The following DLGAP2 variants were observed in gnomAD, a reference collection of about 807,000 sequenced individuals.
DLGAP2 encodes DLG associated protein 2, also known as disks large-associated protein 2.
Under a neutral mutation model 100.3 loss-of-function variants are expected in DLGAP2, and 26 were observed. That is an observed-to-expected ratio of 0.26 (90% CI 0.19 to 0.36). The LOEUF (loss-of-function observed/expected upper bound fraction) is 0.36, where lower values mean the gene tolerates loss of function less well. Among genes scored for constraint, DLGAP2 ranks in the 10% least tolerant of loss-of-function variants. The probability of loss-of-function intolerance (pLI) is 1.00; values close to 1 mark genes in which losing one functional copy is unlikely to be tolerated. For missense variants in DLGAP2, 1,858 were observed against 1,453.2 expected, an observed-to-expected ratio of 1.28 and a Z score of -4.53; for synonymous variants, 886 against 630.1, an observed-to-expected ratio of 1.41 and a Z score of -6.08.
chr8:1,194,185 C>G (rs1344276603), intron 2 of DLGAP2, among the ~76,000 whole-genome samples: 1 of 152,106 alleles, frequency 6.6e-6, no homozygotes, highest in Admixed American at 6.5e-5. Context: ...GAAGAAACTG[C>G]CGCCTGTGGG....
chr8:1,282,613 A>T (rs1479909156), intron 3 of DLGAP2, among the ~76,000 whole-genome samples: 1 of 120,702 alleles, frequency 8.3e-6, no homozygotes, highest in Non-Finnish European at 1.7e-5. Flanking sequence ...CCAGCACGTG[A>T]ACCATCCAGA....
chr8:1,073,923 A>G (rs1585035240), intron 2 of DLGAP2, among the ~76,000 whole-genome samples: 1 of 152,330 alleles, frequency 6.6e-6, no homozygotes, highest in East Asian at 1.9e-4. Flanking sequence ...TTCAGGATTC[A>G]CTGTAACAGA....
intron 1 of DLGAP2, among the ~76,000 whole-genome samples, chr8:831,372 C>A (rs11994697): frequency 0.018 from 2,665 of 151,104 alleles, 75 homozygotes; most frequent in African/African-American, 0.061. Context: ...CCCAGCCCCC[C>A]ATCCCGCAAC....
chr8:1,494,417 C>T (rs779784025), intron 3 of DLGAP2, among the ~76,000 whole-genome samples: 2 of 152,182 alleles, frequency 1.3e-5, no homozygotes, highest in South Asian at 2.1e-4. Flanking sequence ...TTGGCATTCA[C>T]GGGGCAGGTC....
At position 935,581 on chromosome 8, in the gene DLGAP2, T is replaced by C. The variant is rs974028959; in HGVS notation, c.73+27615T>C. ...CACATGTGCTCACACTGTATTTCTC[T>C]TGGACGGTGTGGCTCTGTCGCATTT... On this transcript the variant is annotated intron_variant, in intron 2 of 14. Coordinates refer to ENST00000637795, the MANE Select transcript of DLGAP2 (RefSeq NM_001346810.2). Among the ~76,000 whole-genome samples the C allele has an allele frequency of 4.6e-5, 7 of 152,322 alleles. 1 individual carries two copies. In the East Asian group the frequency reaches 1.4e-3, roughly 29 times the overall value.
At chr8:888,459 C>G (rs1797965263) in intron 1 of DLGAP2, among the ~76,000 whole-genome samples, 1 of 152,144 alleles carries the variant, frequency 6.6e-6, no homozygotes, top group East Asian at 1.9e-4. Flanking sequence ...ACCCTCTGGC[C>G]TTTTGGGTTT....
intron 1 of DLGAP2, among the ~76,000 whole-genome samples, chr8:789,072 T>G (rs1042486367): frequency 6.6e-6 from 1 of 152,214 alleles, no homozygotes; most frequent in Non-Finnish European, 1.5e-5. Context: ...CGAGAGTTCT[T>G]TATGTACTTT....
chr8:808,069 T>A (rs952498807), intron 1 of DLGAP2, among the ~76,000 whole-genome samples: 1 of 152,174 alleles, frequency 6.6e-6, no homozygotes, highest in Non-Finnish European at 1.5e-5. Context: ...TTGGATAATT[T>A]TACGCTCATC....
At chr8:1,077,010 G>A (rs982796659) in intron 2 of DLGAP2, among the ~76,000 whole-genome samples, 1 of 150,508 alleles carries the variant, frequency 6.6e-6, no homozygotes, top group Non-Finnish European at 1.5e-5. Flanking sequence ...AGAGGGTGGA[G>A]GAGGAGTCTG....
intron 3 of DLGAP2, among the ~76,000 whole-genome samples, chr8:1,481,768 G>A (rs1046131976): frequency 2.6e-5 from 4 of 152,080 alleles, no homozygotes; most frequent in African/African-American, 7.2e-5. Context: ...ATGAGTCACC[G>A]CACCAGGCCA....
At chr8:1,027,795 C>G (rs28505339) in intron 2 of DLGAP2, among the ~76,000 whole-genome samples, 115 of 26,012 alleles carry the variant, frequency 4.4e-3, no homozygotes, top group Admixed American at 7.5e-3. Context: ...TTCTCCAGGT[C>G]GGGTGTCAGG....
intron 3 of DLGAP2, among the ~76,000 whole-genome samples, chr8:1,330,210 A>G (rs983022019): frequency 6.8e-6 from 1 of 146,738 alleles, no homozygotes; most frequent in African/African-American, 2.6e-5. Flanking sequence ...TCTGGGTGAG[A>G]GCACTACTTC....
intron 2 of DLGAP2, among the ~76,000 whole-genome samples, chr8:1,086,029 G>C (rs938530550): frequency 6.6e-6 from 1 of 152,004 alleles, no homozygotes; most frequent in African/African-American, 2.4e-5. Flanking sequence ...TGTTGCCATT[G>C]TTAATGGGAT....
chr8:1,097,297 CG>C (rs1804410561), intron 2 of DLGAP2, among the ~76,000 whole-genome samples: 1 of 122,684 alleles, frequency 8.2e-6, no homozygotes, highest in Non-Finnish European at 1.7e-5. Flanking sequence ...GCTGGGAGCC[CG>C]GGGCAGGCCT....
intron 3 of DLGAP2, among the ~76,000 whole-genome samples, chr8:1,478,133 C>T (rs558177905): frequency 8.5e-5 from 13 of 152,272 alleles, no homozygotes; most frequent in Middle Eastern, 3.4e-3. Context: ...AATGAAATGC[C>T]CTCTGTTTTT....
intron 6 of DLGAP2, among the ~76,000 whole-genome samples, chr8:1,598,298 T>C (rs972748348): frequency 6.6e-6 from 1 of 152,248 alleles, no homozygotes; most frequent in Non-Finnish European, 1.5e-5. Flanking sequence ...GCATCCATGT[T>C]CATCAGGGAT....
intron 1 of DLGAP2, among the ~76,000 whole-genome samples, chr8:881,610 C>T (rs1797795045): frequency 7.2e-6 from 1 of 138,294 alleles, no homozygotes; most frequent in South Asian, 2.2e-4. Flanking sequence ...AGCAGTTCTC[C>T]TGCCTCAGCC....
At chr8:1,060,174 C>T (rs1317357213) in intron 2 of DLGAP2, among the ~76,000 whole-genome samples, 2 of 152,154 alleles carry the variant, frequency 1.3e-5, no homozygotes, top group Non-Finnish European at 2.9e-5. Context: ...ATCCGTTTCC[C>T]GTGGCCACCG....
At chr8:1,025,101 C>T (rs569121447) in intron 2 of DLGAP2, among the ~76,000 whole-genome samples, 13 of 151,300 alleles carry the variant, frequency 8.6e-5, no homozygotes, top group East Asian at 5.8e-4. Flanking sequence ...TATGTGTGTG[C>T]GTGTATGTGT....
Sources: gnomAD v4.1 joint callset for allele counts (sites outside exome capture counted in the v4.1 genomes callset) on GRCh38, gnomAD v4.1.1 for gene constraint, MANE v1.5 for transcripts, NCBI Gene and HGNC (gene_info 2026-07-23, HGNC 2026-07-21) for gene names.